The following ZNF423 variants were observed in gnomAD, a reference collection of about 807,000 sequenced individuals.
The protein encoded by ZNF423 is Ebf-associated zinc finger protein.
In ZNF423, 12 loss-of-function variants were observed where a neutral mutation model predicts 95.8. That is an observed-to-expected ratio of 0.13 (90% confidence interval 0.08 to 0.20). ZNF423 has a LOEUF of 0.20. Ranked by LOEUF, ZNF423 falls within the 10% of genes least tolerant of loss-of-function variation. The pLI, the probability that ZNF423 is intolerant of heterozygous loss-of-function variation, is 1.00. For synonymous variants in ZNF423, 749 were observed against 711.9 expected (o/e 1.05, Z -0.83); for missense variants, 1,316 against 1,737.1 (o/e 0.76, Z 4.31).
intron 1 of ZNF423, among the ~76,000 whole-genome samples, chr16:49,847,793 C>T (rs970511032): frequency 2.0e-5 from 3 of 151,980 alleles, no homozygotes; most frequent in African/African-American, 4.8e-5. Context: ...GGTGACAGCC[C>T]GACAACAATG....
intron 7 of ZNF423, among the ~76,000 whole-genome samples, chr16:49,514,239 C>T (rs1020723724): frequency 7.8e-5 from 11 of 141,580 alleles, no homozygotes; most frequent in East Asian, 4.1e-4. Context: ...TACACACACA[C>T]GCACACGCAC....
rs1329843922 is a variant in ZNF423 at position 49,730,744 on chromosome 16, CAG to C, written c.301+25_301+26del. 3.1e-6 allele frequency: 5 copies of C among 1,613,794 alleles called. No homozygotes were observed. In the Admixed American group the frequency reaches 6.7e-5, roughly 22 times the overall value. On this transcript the variant is annotated intron_variant, in intron 3 of 7. Coordinates refer to ENST00000563137, the MANE Select transcript of ZNF423 (RefSeq NM_001379286.1). ...TCCAATTACCCGTGTAACCACCTGT[CAG>C]AGTCCTGGGGCTGTTTTGCATTACC...
chr16:49,751,459 G>A (rs1043894576), intron 2 of ZNF423, among the ~76,000 whole-genome samples: 3 of 152,126 alleles, frequency 2.0e-5, no homozygotes, highest in East Asian at 3.9e-4. Flanking sequence ...CTCCCACCTT[G>A]TAATCCTAGC....
chr16:49,611,422 T>C (rs1183742599), intron 5 of ZNF423, among the ~76,000 whole-genome samples: 1 of 152,008 alleles, frequency 6.6e-6, no homozygotes, highest in African/African-American at 2.4e-5. Flanking sequence ...AGGAAGCTCA[T>C]GGGAATTTTT....
At chr16:49,842,482 C>T (rs942529886) in intron 1 of ZNF423, among the ~76,000 whole-genome samples, 1 of 151,528 alleles carries the variant, frequency 6.6e-6, no homozygotes, top group Non-Finnish European at 1.5e-5. Flanking sequence ...TGTGGTGGCT[C>T]GTACCTATAA....
chr16:49,659,029 T>C (rs1333270594), intron 3 of ZNF423, among the ~76,000 whole-genome samples: 1 of 152,226 alleles, frequency 6.6e-6, no homozygotes, highest in Non-Finnish European at 1.5e-5. Flanking sequence ...TTAAAATCTA[T>C]ATTATTTATT....
chr16:49,492,420 G>T lies in ZNF423; in HGVS notation c.3850-1116C>A, dbSNP rs984341901. 6.6e-6 allele frequency among the ~76,000 whole-genome samples: 1 copy of T among 152,174 alleles called. No homozygotes were observed. Among genetic ancestry groups the T allele is most frequent in the African/African-American group, 2.4e-5 (1 of 41,462 alleles). ...GAGGCACCGCGTCTCTCCTGGGCTC[G>T]GGTCCGCGGCGAGGGCGACCAGGTG... On this transcript the variant is annotated intron_variant, in intron 7 of 7. Coordinates refer to ENST00000563137, the MANE Select transcript of ZNF423 (RefSeq NM_001379286.1). The surrounding 1 kb of genome is among the most constrained non-coding windows in gnomAD (Gnocchi z 4.2).
At chr16:49,641,330 G>T (rs1033348397) in intron 3 of ZNF423, among the ~76,000 whole-genome samples, 1 of 152,220 alleles carries the variant, frequency 6.6e-6, no homozygotes, top group African/African-American at 2.4e-5. Flanking sequence ...GGGTAAGAAG[G>T]GGAGAGGCCC....
At chr16:49,762,919 C>T (rs2033858095) in intron 2 of ZNF423, among the ~76,000 whole-genome samples, 1 of 152,196 alleles carries the variant, frequency 6.6e-6, no homozygotes, top group Non-Finnish European at 1.5e-5. Context: ...GTTCTTTTCA[C>T]GTCCCTTTCA....
At chr16:49,551,642 C>T (rs1969641055) in intron 5 of ZNF423, among the ~76,000 whole-genome samples, 1 of 152,158 alleles carries the variant, frequency 6.6e-6, no homozygotes, top group South Asian at 2.1e-4. Flanking sequence ...ACGCAGGGTG[C>T]ATGGAAGCTG....
intron 3 of ZNF423, among the ~76,000 whole-genome samples, chr16:49,728,271 G>A (rs1445783223): frequency 2.0e-5 from 3 of 152,158 alleles, no homozygotes; most frequent in South Asian, 4.2e-4. Context: ...AAGACCTGGG[G>A]GAAAGTAACT....
chr16:49,794,021 GTCTCTCTCTC>G (rs5816660), intron 1 of ZNF423, among the ~76,000 whole-genome samples: 3,387 of 148,650 alleles, frequency 0.023, 117 homozygotes, highest in African/African-American at 0.08. Context: ...GTCTGTCTCT[GTCTCTCTCTC>G]TCTCTCTCTC....
chr16:49,806,949 C>G (rs1023156643), intron 1 of ZNF423, among the ~76,000 whole-genome samples: 1 of 151,684 alleles, frequency 6.6e-6, no homozygotes. Context: ...ATCGCTTGAA[C>G]CCGGGAGGTA....
chr16:49,623,438 G>C (rs940042026), intron 5 of ZNF423, among the ~76,000 whole-genome samples: 2 of 152,262 alleles, frequency 1.3e-5, no homozygotes, highest in Non-Finnish European at 2.9e-5. Flanking sequence ...CAAGGTAGAA[G>C]AGAGGAGGGA....
chr16:49,502,913 TACACACACAC>T (rs55819934), intron 7 of ZNF423, among the ~76,000 whole-genome samples: 50,540 of 122,602 alleles, frequency 0.41, 9,789 homozygotes, highest in African/African-American at 0.51. Flanking sequence ...TGTGCACGCA[TACACACACAC>T]ACACACACAC....
chr16:49,738,866 G>A lies in ZNF423; in HGVS notation c.101-7895C>T, dbSNP rs1012305132. ...CAGAACCACCAGGCGCCACATTCTA[G>A]GCATATCCAGGGGTTACCAGAGAAC... is the stretch of plus-strand genomic sequence containing the variant. On this transcript the variant is annotated intron_variant, in intron 2 of 7. Coordinates refer to ENST00000563137, the MANE Select transcript of ZNF423 (RefSeq NM_001379286.1). Among the ~76,000 whole-genome samples the A allele has an allele frequency of 2.0e-4, 30 of 152,064 alleles. 1 individual carries two copies. Among genetic ancestry groups the A allele is most frequent in the Non-Finnish European group, 4.4e-5 (3 of 68,016 alleles).
At chr16:49,854,544 G>T (rs942041581) in intron 1 of ZNF423, 1 of 985,342 alleles carries the variant, frequency 1.0e-6, no homozygotes, top group African/African-American at 1.7e-5. Context: ...AGAAGACAAG[G>T]GCCTGGGGGC....
chr16:49,672,210 C>G (rs1483353159), intron 3 of ZNF423, among the ~76,000 whole-genome samples: 1 of 152,112 alleles, frequency 6.6e-6, no homozygotes, highest in African/African-American at 2.4e-5. Context: ...CACATCAGCT[C>G]AGGTCAAACT....
At chr16:49,514,076 G>C (rs141504477) in intron 7 of ZNF423, among the ~76,000 whole-genome samples, 1 of 151,658 alleles carries the variant, frequency 6.6e-6, no homozygotes, top group Non-Finnish European at 1.5e-5. Flanking sequence ...TTGGGCCTCA[G>C]ATACTTGGTA....
Sources: allele counts gnomAD v4.1 joint callset (sites outside exome capture counted in the v4.1 genomes callset), GRCh38; gene constraint gnomAD v4.1.1; non-coding constraint Gnocchi (gnomAD v3.1); transcripts MANE v1.5; gene names NCBI Gene and HGNC (gene_info 2026-07-23, HGNC 2026-07-21).